Variants in LINGO2 observed in about 807,000 individuals in gnomAD.
LINGO2 encodes leucine rich repeat and Ig domain containing 2.
Under a neutral mutation model 30.6 loss-of-function variants are expected in LINGO2, and 14 were observed. The observed-to-expected ratio is 0.46, with a 90% CI of 0.30 to 0.72. LINGO2 has a LOEUF of 0.72. Ranked by LOEUF, LINGO2 falls within the 30% of genes least tolerant of loss-of-function variation. The probability of loss-of-function intolerance (pLI) is 0.07; values close to 1 mark genes in which losing one functional copy is unlikely to be tolerated. For synonymous variants in LINGO2, 317 were observed against 288.5 expected (o/e 1.10, Z -1.00); for missense variants, 729 against 751.7 (o/e 0.97, Z 0.35).
At chr9:28,344,817 T>A (rs192443216) in intron 3 of LINGO2, among the ~76,000 whole-genome samples, 1 of 152,144 alleles carries the variant, frequency 6.6e-6, no homozygotes, top group Non-Finnish European at 1.5e-5. Context: ...TTAGCTTAGC[T>A]AACTCCGGAA....
At chr9:28,744,838 T>C in the LINGO2 span, among the ~76,000 whole-genome samples, 2 of 151,808 alleles carry the variant, frequency 1.3e-5, no homozygotes, top group African/African-American at 2.4e-5. Context: ...GGTTTCATCA[T>C]GTTGGACAGG....
intron 1 of LINGO2, among the ~76,000 whole-genome samples, chr9:28,596,062 G>A (rs1000377081): frequency 6.6e-6 from 1 of 152,208 alleles, no homozygotes; most frequent in Admixed American, 6.5e-5. Flanking sequence ...AAACAGAAAG[G>A]CTAATGGAAC....
chr9:28,710,414 G>A, the LINGO2 span, among the ~76,000 whole-genome samples: 1 of 151,990 alleles, frequency 6.6e-6, no homozygotes, highest in East Asian at 1.9e-4. Flanking sequence ...TCTTATAATT[G>A]AGGTTGTTGG....
At chr9:28,450,764 C>G (rs1412158438) in intron 2 of LINGO2, among the ~76,000 whole-genome samples, 1 of 151,992 alleles carries the variant, frequency 6.6e-6, no homozygotes, top group Non-Finnish European at 1.5e-5. Flanking sequence ...ATAATCTTTA[C>G]ATTTTCATGA....
At chr9:28,025,563 CTG>C (rs1823336541) in intron 4 of LINGO2, among the ~76,000 whole-genome samples, 1 of 152,068 alleles carries the variant, frequency 6.6e-6, no homozygotes, top group Non-Finnish European at 1.5e-5. Flanking sequence ...AGCTTATTAT[CTG>C]TATCAATAGT....
At chr9:28,313,980 C>T (rs1824733271) in intron 3 of LINGO2, among the ~76,000 whole-genome samples, 1 of 152,116 alleles carries the variant, frequency 6.6e-6, no homozygotes, top group East Asian at 1.9e-4. Context: ...TTCACCCAGG[C>T]TGGAGTGCAG....
chr9:28,035,536 A>T (rs765350285), intron 4 of LINGO2, among the ~76,000 whole-genome samples: 2 of 152,220 alleles, frequency 1.3e-5, no homozygotes, highest in Non-Finnish European at 2.9e-5. Flanking sequence ...TAAATGTAAC[A>T]ATTTGATAAT....
Position 28,571,772 on chromosome 9 carries a change from A to G in LINGO2, c.-364-95747T>C, listed in dbSNP as rs74402427. On this transcript the variant is annotated intron_variant, in intron 1 of 5. Transcript: ENST00000379992. ...AATATTTTTAACTGTCTATTTTTTA[A>G]TGGACATTGTTCTATATGTTGAGAA... 1.0e-3 allele frequency among the ~76,000 whole-genome samples: 153 copies of G among 151,650 alleles called. 2 individuals are homozygous for G. The East Asian group carries it at 0.028, about 28-fold the overall frequency.
chr9:28,829,013 T>G, the LINGO2 span, among the ~76,000 whole-genome samples: 1 of 152,074 alleles, frequency 6.6e-6, no homozygotes, highest in Non-Finnish European at 1.5e-5. Flanking sequence ...GCTCGAATGT[T>G]GCCTTTTCCA....
chr9:29,008,776 T>C, the LINGO2 span, among the ~76,000 whole-genome samples: 1 of 152,140 alleles, frequency 6.6e-6, no homozygotes, highest in Non-Finnish European at 1.5e-5. Flanking sequence ...ATGGGGTTGT[T>C]TGATTTTTTT....
chr9:28,020,240 T>C (rs1343473070), intron 4 of LINGO2, among the ~76,000 whole-genome samples: 2 of 152,154 alleles, frequency 1.3e-5, no homozygotes, highest in African/African-American at 2.4e-5. Flanking sequence ...CTGGTTTCAG[T>C]GTTAGGGTCA....
intron 4 of LINGO2, among the ~76,000 whole-genome samples, chr9:28,233,061 T>TAGATATATAA (rs60875467): frequency 2.5e-5 from 3 of 118,830 alleles, no homozygotes; most frequent in African/African-American, 1.1e-4. Context: ...TATATATATA[T>TAGATATATAA]TAGATATATA....
the LINGO2 span, among the ~76,000 whole-genome samples, chr9:29,051,663 C>A: frequency 2.0e-5 from 3 of 152,030 alleles, no homozygotes; most frequent in Non-Finnish European, 1.5e-5. Context: ...TTCTGAAAGG[C>A]TTTTCCATAA....
the LINGO2 span, among the ~76,000 whole-genome samples, chr9:28,848,155 C>A: frequency 2.2e-5 from 2 of 91,084 alleles, no homozygotes; most frequent in Admixed American, 2.3e-4. Flanking sequence ...ACTATATATA[C>A]GCATATATAG....
At chr9:28,292,993 T>C (rs10968446) in intron 4 of LINGO2, among the ~76,000 whole-genome samples, 10,951 of 151,854 alleles carry the variant, frequency 0.072, 708 homozygotes, top group East Asian at 0.38. Context: ...AGGATGGTCT[T>C]GATCTCCTAA....
the LINGO2 span, among the ~76,000 whole-genome samples, chr9:28,854,478 C>T: frequency 6.6e-6 from 1 of 151,844 alleles, no homozygotes; most frequent in Non-Finnish European, 1.5e-5. Flanking sequence ...TGTAGATGAG[C>T]TTATACATTG....
chr9:28,297,846 G>T (rs1019051436), intron 3 of LINGO2, among the ~76,000 whole-genome samples: 1 of 152,150 alleles, frequency 6.6e-6, no homozygotes, highest in Non-Finnish European at 1.5e-5. Flanking sequence ...TCCAACTGTT[G>T]TGTAAGGAAT....
intron 1 of LINGO2, among the ~76,000 whole-genome samples, chr9:28,550,732 C>T (rs1411167236): frequency 6.6e-6 from 1 of 151,366 alleles, no homozygotes; most frequent in African/African-American, 2.4e-5. Context: ...ATAGTAAACA[C>T]CAGTGAAAAA....
the LINGO2 span, among the ~76,000 whole-genome samples, chr9:28,989,798 G>C: frequency 7.9e-5 from 12 of 152,162 alleles, no homozygotes; most frequent in Non-Finnish European, 1.5e-4. Context: ...GTTTTAGAAA[G>C]TGGAACATAA....
Sources: allele counts gnomAD v4.1 joint callset (sites outside exome capture counted in the v4.1 genomes callset), GRCh38; gene constraint gnomAD v4.1.1; transcripts MANE v1.5; gene names NCBI Gene and HGNC (gene_info 2026-07-23, HGNC 2026-07-21).